PUS7L: variants seen among roughly 807,000 people sequenced by gnomAD.
PUS7L encodes the protein pseudouridine synthase 7 like, also known as pseudouridylate synthase PUS7L.
A neutral mutation model predicts 51.1 loss-of-function variants in PUS7L; 49 were observed. The observed-to-expected ratio is 0.96, with a 90% CI of 0.76 to 1.22. PUS7L has a LOEUF of 1.22. Among genes scored for constraint, PUS7L ranks in the 50% most tolerant of loss-of-function variants. The pLI, the probability that PUS7L is intolerant of heterozygous loss-of-function variation, is 0.00. For synonymous variants in PUS7L, 277 were observed against 276.2 expected (o/e 1.00, Z -0.03); for missense variants, 828 against 820.6 (o/e 1.01, Z -0.11).
In PUS7L at chr12:43,754,893, C is replaced by T. The variant is rs1175554136; in HGVS notation, c.353G>A (p.Cys118Tyr). 1 of 1,613,838 alleles carries T rather than the reference C, an allele frequency of 6.2e-7. No individual in the cohort carries two copies. Residue 118 changes from cysteine (C) to tyrosine (Y), a missense_variant, in exon 2 of 9, where the codon TGT (cysteine) becomes TAT (tyrosine). Coordinates refer to ENST00000344862, the MANE Select transcript of PUS7L (RefSeq NM_031292.5). ...EDTIVDGTSK[C>Y]EEKADVLSSF... ...GCTTAAAACATCAGCTTTTTCTTCACATTTGGAAGTTCCATCAACGATAGT... is the reference window on the plus strand; with the variant it reads ...GCTTAAAACATCAGCTTTTTCTTCATATTTGGAAGTTCCATCAACGATAGT...
In PUS7L at chr12:43,742,494, G is replaced by A; in HGVS notation, c.1325C>T (p.Thr442Ile). The A allele has an allele frequency of 6.2e-7, 1 of 1,610,058 alleles. No individual in the cohort carries two copies. The highest frequency in any genetic ancestry group is 1.1e-5 in the South Asian group (1 of 90,404). ...QRFGKGRKVH[T>I]DQIGLALLKN... ...CAGCAAAGCTAGTCCAATTTGGTCTGTGTGAACTTTCCTTCCCTTCCCAAA... is the reference window on the plus strand; with the variant it reads ...CAGCAAAGCTAGTCCAATTTGGTCTATGTGAACTTTCCTTCCCTTCCCAAA... Residue 442 changes from threonine (T) to isoleucine (I), a missense_variant, in exon 5 of 9, where the codon ACA becomes ATA. Coordinates refer to ENST00000344862, the MANE Select transcript of PUS7L (RefSeq NM_031292.5).
intron 3 of PUS7L, among the ~76,000 whole-genome samples, chr12:43,747,381 C>T (rs922956348): frequency 6.6e-6 from 1 of 151,974 alleles, no homozygotes; most frequent in African/African-American, 2.4e-5. Context: ...ACTGTATATG[C>T]AGTATGATTT....
In PUS7L at chr12:43,736,606, T is replaced by TGAAATTCAG. The variant is rs1344297594; in HGVS notation, c.1499_1500insCTGAATTTC (p.Ala500_Leu501insTer). 6.2e-7 allele frequency: 1 copy of TGAAATTCAG among 1,614,146 alleles called. No homozygotes were observed. The highest frequency in any genetic ancestry group is 1.3e-5 in the African/African-American group (1 of 75,038). On this transcript the variant is annotated stop_gained and inframe_insertion, in exon 7 of 9. Coordinates refer to ENST00000344862, the MANE Select transcript of PUS7L (RefSeq NM_031292.5). LOFTEE classifies it high-confidence loss of function. ...CAAAGCGGTGCAATGCCTCCAACAA[T>TGAAATTCAG]GCTCTCTCACGCACTTTGAATTCAG...
rs1938152520 is a variant in PUS7L at position 43,746,060 on chromosome 12, T to C, written c.1249A>G (p.Ile417Val). The C allele has an allele frequency of 6.7e-7, 1 of 1,488,304 alleles. No homozygotes were observed. Among genetic ancestry groups the C allele is most frequent in the Non-Finnish European group, 9.3e-7 (1 of 1,079,898 alleles). 92.2% of individuals were successfully genotyped at this position (1,488,304 alleles called of 1,614,324 possible). ...ANLRERIMEA[I>V]ENVKKKGFVN... ...AGTTTTCTTACCTTAACATTTTCTA[T>C]TGCTTCCATAATTCTCTCCCTCAGG... The change falls in exon 4 of 9, where the codon ATA becomes GTA. Residue 417 changes from isoleucine to valine, a missense_variant. Transcript: ENST00000344862.
At chr12:43,735,829 C>T (rs116591881) in intron 7 of PUS7L, among the ~76,000 whole-genome samples, 454 of 152,122 alleles carry the variant, frequency 3.0e-3, no homozygotes, top group African/African-American at 0.01. Context: ...CTGCCTGGAG[C>T]GCCATGGCAC....
chr12:43,744,660 T>A (rs948845105), intron 4 of PUS7L, among the ~76,000 whole-genome samples: 1 of 152,218 alleles, frequency 6.6e-6, no homozygotes, highest in Admixed American at 6.5e-5. Flanking sequence ...AAGTGCTGGA[T>A]TTAAAAGATC....
rs1755660171 is a variant in PUS7L at position 43,723,725 on chromosome 12, T to G, written c.*6651A>C. On this transcript the variant is annotated 3_prime_UTR_variant, in exon 9 of 9. Coordinates refer to ENST00000344862, the MANE Select transcript of PUS7L (RefSeq NM_031292.5). The stretch of plus-strand genomic sequence containing the variant: ...TTATGCCATATATTTGACATTATTT[T>G]GTGGCCTATTAAATATACATAAATC... The G allele has an allele frequency of 2.0e-5, 3 of 152,156 alleles. No individual in the cohort carries two copies. Among genetic ancestry groups the G allele is most frequent in the Admixed American group, 2.0e-4 (3 of 15,274 alleles). The allele number at this position is 152,156 out of a possible 1,614,324, so 9.4% of individuals were successfully genotyped here.
chr12:43,751,427 T>C (rs1485083894), intron 2 of PUS7L, among the ~76,000 whole-genome samples: 1 of 144,972 alleles, frequency 6.9e-6, no homozygotes, highest in East Asian at 2.2e-4. Flanking sequence ...AATTCCCACC[T>C]ATGAGTGAGA....
Position 43,724,694 on chromosome 12 carries a change from C to A in PUS7L, c.*5682G>T, listed in dbSNP as rs1279359923. On this transcript the variant is annotated 3_prime_UTR_variant, in exon 9 of 9. Coordinates refer to ENST00000344862, the MANE Select transcript of PUS7L (RefSeq NM_031292.5). ...CAGAATCAGTGGGTTACTAAAGTCG[C>A]ATATTAAAGCAGTGGTAGAGCCCAT... is the stretch of plus-strand genomic sequence containing the variant. The A allele has an allele frequency of 6.6e-6, 1 of 152,106 alleles. No individual in the cohort carries two copies. The highest frequency in any genetic ancestry group is 2.4e-5 in the African/African-American group (1 of 41,436). The allele number at this position is 152,106 out of a possible 1,614,324, so 9.4% of individuals were successfully genotyped here. A position where few individuals can be genotyped will look rare whatever the true frequency, so the allele number is the denominator to read the frequency against.
At chr12:43,735,550 A>G (rs1245420558) in intron 7 of PUS7L, among the ~76,000 whole-genome samples, 1 of 151,948 alleles carries the variant, frequency 6.6e-6, no homozygotes, top group Middle Eastern at 3.2e-3. Context: ...CATTATAAAA[A>G]TCATATTCCT....
rs56181326 is a variant in PUS7L, at chr12:43,729,758, A to G, written c.*618T>C. 0.14 allele frequency: 20,861 copies of G among 152,320 alleles called. 1,899 individuals carry two copies. The highest frequency in any genetic ancestry group is 0.25 in the African/African-American group (10,174 of 41,468). 9.4% of individuals were successfully genotyped at this position (152,320 alleles called of 1,614,324 possible). A position where few individuals can be genotyped will look rare whatever the true frequency, so the allele number is the denominator to read the frequency against. ...TATGAAAAAATTACAAATGGTCAAG[A>G]GGGTCAGCGTATGCCAAGATATAAA... is the stretch of plus-strand genomic sequence containing the variant. On this transcript the variant is annotated 3_prime_UTR_variant, in exon 9 of 9. Transcript: ENST00000344862.
chr12:43,734,948 T>G (rs1209318041), intron 7 of PUS7L, among the ~76,000 whole-genome samples: 1 of 152,230 alleles, frequency 6.6e-6, no homozygotes, highest in African/African-American at 2.4e-5. Context: ...CTTTTTGCAT[T>G]ACAGCACTAT....
chr12:43,748,932 C>T (rs1038920903), intron 2 of PUS7L, among the ~76,000 whole-genome samples: 1 of 152,144 alleles, frequency 6.6e-6, no homozygotes, highest in Non-Finnish European at 1.5e-5. Context: ...CCACTTTGGC[C>T]AGGATGGTCT....
At chr12:43,738,036 T>A in intron 6 of PUS7L, 1 of 291,658 alleles carries the variant, frequency 3.4e-6, no homozygotes, top group East Asian at 6.7e-5. Flanking sequence ...TTTGGAACTC[T>A]CTCTCAGAGG....
rs536811492 is a variant in PUS7L, at chr12:43,755,265, G to A, written c.-16-4C>T. On this transcript the variant is annotated splice_polypyrimidine_tract_variant and splice_region_variant and intron_variant, in intron 1 of 8. Transcript: ENST00000344862. The stretch of plus-strand genomic sequence containing the variant: ...TTCCATTCTTCTATAACAGTGCCTA[G>A]AAAACAAAACAAAGAGGTGGTTAGT... 2.6e-6 allele frequency: 4 copies of A among 1,521,962 alleles called. No individual in the cohort carries two copies. In the African/African-American group the frequency reaches 4.2e-5, roughly 16 times the overall value. The allele number at this position is 1,521,962 out of a possible 1,614,324, so 94.3% of individuals were successfully genotyped here.
At chr12:43,748,412 CA>C (rs1395013627) in intron 3 of PUS7L, 37 bp downstream of exon 3, 3 of 1,469,320 alleles carry the variant, frequency 2.0e-6, no homozygotes, top group Non-Finnish European at 2.8e-6. Context: ...TTCCACTTCT[CA>C]AAGTTTCTAT....
chr12:43,738,687 T>C (rs1243669302), intron 5 of PUS7L: 2 of 316,884 alleles, frequency 6.3e-6, no homozygotes, highest in Non-Finnish European at 1.2e-5. Context: ...AAAGTTAAAA[T>C]GTATTGACAT....
At chr12:43,748,639 A>C (rs1311749251) in intron 2 of PUS7L, 30 bp from the exon 3 acceptor site, 1 of 1,535,618 alleles carries the variant, frequency 6.5e-7, no homozygotes, top group Non-Finnish European at 8.8e-7. Context: ...TAGATCACAA[A>C]AAAAGCAGCT....
rs1157147444 is a variant in PUS7L at position 43,723,017 on chromosome 12, AACAG to A, written c.*7355_*7358del. The stretch of plus-strand genomic sequence containing the variant: ...CTCCATGGCTAAACTCCATCCTTGC[AACAG>A]GAGTTTTATTTCTACATTGGTAGTT... On this transcript the variant is annotated 3_prime_UTR_variant, in exon 9 of 9. Transcript: ENST00000344862. 1 of 152,136 alleles carries A rather than the reference AACAG, an allele frequency of 6.6e-6. No homozygotes were observed. Among genetic ancestry groups the A allele is most frequent in the Non-Finnish European group, 1.5e-5 (1 of 67,974 alleles). 9.4% of individuals were successfully genotyped at this position (152,136 alleles called of 1,614,324 possible). A position where few individuals can be genotyped will look rare whatever the true frequency, so the allele number is the denominator to read the frequency against.
Sources: allele counts gnomAD v4.1 joint callset (sites outside exome capture counted in the v4.1 genomes callset), GRCh38; gene constraint gnomAD v4.1.1; transcripts MANE v1.5; gene names NCBI Gene and HGNC (gene_info 2026-07-23, HGNC 2026-07-21).